The following KLHL18 variants were observed in gnomAD, a reference collection of about 807,000 sequenced individuals.
KLHL18 encodes kelch like family member 18, also known as kelch-like protein 18.
KLHL18 carries 38 observed loss-of-function variants against 58.5 expected under a neutral mutation model. The ratio of observed to expected loss-of-function variants is 0.65; its 90% CI spans 0.50 to 0.85. The LOEUF (loss-of-function observed/expected upper bound fraction) is 0.85, where lower values mean the gene tolerates loss of function less well. Ranked by LOEUF, KLHL18 falls within the 40% of genes least tolerant of loss-of-function variation. KLHL18 has a pLI of 0.00. For missense variants in KLHL18, 624 were observed against 778.4 expected (o/e 0.80, Z 2.36); for synonymous variants, 303 against 301.9 (o/e 1.00, Z -0.04).
chr3:47,333,258 C>T lies in KLHL18; in HGVS notation c.702C>T (p.Pro234=). 1 of 1,614,178 alleles carries T rather than the reference C, an allele frequency of 6.2e-7. No homozygotes were observed. Residue 234 remains proline, a synonymous_variant, in exon 5 of 10, where the codon CCC becomes CCT. Transcript: ENST00000232766. ...LSNIRLPLCR[P]QFLSDRVQQD... ...ATATCCGCCTGCCCCTCTGTCGGCC[C>T]CAGTTCCTTTCAGACAGAGTACAGC...
At chr3:47,312,619 TA>T (rs1361959946) in intron 1 of KLHL18, among the ~76,000 whole-genome samples, 1 of 152,166 alleles carries the variant, frequency 6.6e-6, no homozygotes. Flanking sequence ...AGATATTAAT[TA>T]TAGGGAACCC....
chr3:47,302,598 C>G (rs1703050969), intron 1 of KLHL18, among the ~76,000 whole-genome samples: 1 of 152,148 alleles, frequency 6.6e-6, no homozygotes, highest in Non-Finnish European at 1.5e-5. Context: ...ATTGAGTAGT[C>G]TGGGAGGAGG....
chr3:47,330,809 C>T (rs561804736), intron 4 of KLHL18, among the ~76,000 whole-genome samples: 21 of 152,080 alleles, frequency 1.4e-4, no homozygotes, highest in Non-Finnish European at 2.8e-4. Flanking sequence ...TGGCTCACTG[C>T]AACCTCCATC....
intron 1 of KLHL18, among the ~76,000 whole-genome samples, chr3:47,295,800 G>A (rs1014962074): frequency 6.6e-6 from 1 of 151,482 alleles, no homozygotes; most frequent in African/African-American, 2.4e-5. Flanking sequence ...GGCTGGTCTC[G>A]AACTCCTGGC....
At chr3:47,303,938 G>A (rs781247482) in intron 1 of KLHL18, among the ~76,000 whole-genome samples, 19 of 151,336 alleles carry the variant, frequency 1.3e-4, no homozygotes, top group Non-Finnish European at 1.9e-4. Context: ...TATGTTGCTC[G>A]GGCTGGTCTC....
At chr3:47,336,801 C>G in intron 7 of KLHL18, 44 bp downstream of exon 7, 1 of 1,481,782 alleles carries the variant, frequency 6.7e-7, no homozygotes, top group Non-Finnish European at 9.4e-7. Flanking sequence ...ACACTGAGCA[C>G]CTGGGGAGCG....
At chr3:47,300,546 T>C (rs576650236) in intron 1 of KLHL18, among the ~76,000 whole-genome samples, 1 of 149,964 alleles carries the variant, frequency 6.7e-6, no homozygotes, top group East Asian at 2.0e-4. Flanking sequence ...GTTACAGGCA[T>C]GAACCACCAC....
intron 1 of KLHL18, among the ~76,000 whole-genome samples, chr3:47,314,056 G>A (rs188195291): frequency 5.9e-4 from 89 of 151,850 alleles, no homozygotes; most frequent in Admixed American, 3.3e-4. Flanking sequence ...TTTATTTTTC[G>A]AGACATTCTC....
chr3:47,283,730 A>C (rs747503100), intron 1 of KLHL18, among the ~76,000 whole-genome samples: 3 of 152,180 alleles, frequency 2.0e-5, no homozygotes, highest in Non-Finnish European at 4.4e-5. Flanking sequence ...TAAGAGGGAA[A>C]GATATCTTAA....
chr3:47,322,835 C>T (rs924903362), intron 3 of KLHL18, 127 bp downstream of exon 3: 70 of 842,564 alleles, frequency 8.3e-5, no homozygotes, highest in Admixed American at 4.2e-5. Context: ...GGTTATTCTG[C>T]AGCACTTACA....
rs538798213 is a variant in KLHL18 at position 47,340,798 on chromosome 3, A to G, written c.1226+122A>G. On this transcript the variant is annotated intron_variant, in intron 8 of 9. Transcript: ENST00000232766. ...GAGAATGTCTTACCTTTTTGCCCGTATAGTACTTTGTATATACTAGATATT... is the reference window on the plus strand; with the variant it reads ...GAGAATGTCTTACCTTTTTGCCCGTGTAGTACTTTGTATATACTAGATATT... 6 of 1,062,902 alleles carry G rather than the reference A, an allele frequency of 5.6e-6. No homozygotes were observed. In the African/African-American group the frequency reaches 9.6e-5, roughly 17 times the overall value. The allele number at this position is 1,062,902 out of a possible 1,614,324, so 65.8% of individuals were successfully genotyped here. A position where few individuals can be genotyped will look rare whatever the true frequency, so the allele number is the denominator to read the frequency against.
At chr3:47,335,717 A>G (rs1290288257) in intron 6 of KLHL18, among the ~76,000 whole-genome samples, 1 of 152,168 alleles carries the variant, frequency 6.6e-6, no homozygotes, top group Non-Finnish European at 1.5e-5. Flanking sequence ...CATGTTGGCC[A>G]GGCTGGTTTT....
intron 1 of KLHL18, among the ~76,000 whole-genome samples, chr3:47,308,727 T>TTCCC (rs1480179426): frequency 6.6e-6 from 1 of 151,754 alleles, no homozygotes; most frequent in African/African-American, 2.4e-5. Context: ...CCCTCCTTCC[T>TTCCC]TCCCTCCCTC....
rs1376672995 is a variant in KLHL18, at chr3:47,329,960, A to C, written c.411A>C (p.Pro137=). The C allele has an allele frequency of 6.2e-7, 1 of 1,613,968 alleles. No homozygotes were observed. The highest frequency in any genetic ancestry group is 8.5e-7 in the Non-Finnish European group (1 of 1,179,938). The part of the protein sequence containing the change: ...CCTFLRERLH[P]KNCLGVRQFA... The stretch of plus-strand genomic sequence containing the variant: ...TTTCCTTATGCCAAAGGCTTCACCC[A>C]AAAAACTGCCTGGGTGTGCGCCAGT... Residue 137 remains proline (P), a synonymous_variant, in exon 4 of 10, where the codon CCA becomes CCC. Transcript: ENST00000232766.
intron 1 of KLHL18, among the ~76,000 whole-genome samples, chr3:47,294,724 C>A (rs1702860003): frequency 6.6e-6 from 1 of 152,128 alleles, no homozygotes; most frequent in Non-Finnish European, 1.5e-5. Context: ...TGAAACCAAT[C>A]AATAATTATG....
chr3:47,319,285 G>T (rs1451168668), intron 1 of KLHL18, among the ~76,000 whole-genome samples: 1 of 152,182 alleles, frequency 6.6e-6, no homozygotes, highest in African/African-American at 2.4e-5. Context: ...CCTGAGGTTG[G>T]GATAAAGTGT....
At chr3:47,333,025 AC>A (rs762373382) in intron 4 of KLHL18, 131 bp from the exon 5 acceptor site, 42 of 836,116 alleles carry the variant, frequency 5.0e-5, no homozygotes, top group Middle Eastern at 2.9e-4. Flanking sequence ...GATTTCAGAG[AC>A]AAGTAGGAGA....
At chr3:47,302,225 G>A (rs900035268) in intron 1 of KLHL18, among the ~76,000 whole-genome samples, 3 of 152,188 alleles carry the variant, frequency 2.0e-5, no homozygotes, top group Non-Finnish European at 4.4e-5. Flanking sequence ...GGTAGCTCAC[G>A]CTTGTAATCC....
At chr3:47,322,993 G>A (rs183303243) in intron 3 of KLHL18, among the ~76,000 whole-genome samples, 187 of 152,112 alleles carry the variant, frequency 1.2e-3, no homozygotes, top group Middle Eastern at 0.01. Flanking sequence ...CACTAATTTA[G>A]CTGATTTCTC....
Sources: gnomAD v4.1 joint callset for allele counts (sites outside exome capture counted in the v4.1 genomes callset) on GRCh38, gnomAD v4.1.1 for gene constraint, MANE v1.5 for transcripts, NCBI Gene and HGNC (gene_info 2026-07-23, HGNC 2026-07-21) for gene names.